Variants in RIMBP2 observed in about 807,000 individuals in gnomAD.
RIMBP2 encodes RIMS binding protein 2, also known as RIMS-binding protein 2.
A neutral mutation model predicts 118.6 loss-of-function variants in RIMBP2; 48 were observed. That is an observed-to-expected ratio of 0.40 (90% CI 0.32 to 0.51). RIMBP2 has a LOEUF of 0.51. Among genes scored for constraint, RIMBP2 ranks in the 20% least tolerant of loss-of-function variants. The probability of loss-of-function intolerance (pLI) is 0.41; values close to 1 mark genes in which losing one functional copy is unlikely to be tolerated. For missense variants in RIMBP2, 1,551 were observed against 1,768.3 expected (o/e 0.88, Z 2.20); for synonymous variants, 762 against 742.9 (o/e 1.03, Z -0.42).
intron 10 of RIMBP2, among the ~76,000 whole-genome samples, chr12:130,443,979 G>A (rs1593319811): frequency 6.6e-6 from 1 of 152,190 alleles, no homozygotes; most frequent in Admixed American, 6.5e-5. Flanking sequence ...GAGGCACAGC[G>A]AGGTGAAGGA....
chr12:130,538,141 G>T (rs2054239000), intron 2 of RIMBP2, among the ~76,000 whole-genome samples: 1 of 152,154 alleles, frequency 6.6e-6, no homozygotes, highest in Non-Finnish European at 1.5e-5. Context: ...GACTGCATTT[G>T]ACCGTGGAGA....
At chr12:130,481,317 C>A (rs2081994545) in intron 4 of RIMBP2, among the ~76,000 whole-genome samples, 1 of 152,180 alleles carries the variant, frequency 6.6e-6, no homozygotes, top group Non-Finnish European at 1.5e-5. Context: ...TGAAACAGAA[C>A]CACTTTAACT....
intron 4 of RIMBP2, among the ~76,000 whole-genome samples, chr12:130,495,687 C>T (rs1263366432): frequency 6.6e-6 from 1 of 152,188 alleles, no homozygotes; most frequent in Non-Finnish European, 1.5e-5. Context: ...TAGTAGATTC[C>T]TTTGAGGGTG....
Position 130,581,649 on chromosome 12 carries a change from T to G in RIMBP2, c.-217+46673A>C, listed in dbSNP as rs935900588. 6.6e-6 allele frequency among the ~76,000 whole-genome samples: 1 copy of G among 152,234 alleles called. No homozygotes were observed. Among genetic ancestry groups the G allele is most frequent in the African/African-American group, 2.4e-5 (1 of 41,476 alleles). ...TCTGTTCTCTTTGTCCTGTGGACTC[T>G]GACTTCAGGACATACCCGGAACGTA... On this transcript the variant is annotated intron_variant, in intron 2 of 22. Transcript: ENST00000690449. The surrounding 1 kb of genome is among the most constrained non-coding windows in gnomAD (Gnocchi z 4.4).
Position 130,698,917 on chromosome 12 carries a change from G to A in RIMBP2, c.-352+17305C>T, listed in dbSNP as rs1405143723. Among the ~76,000 whole-genome samples the A allele has an allele frequency of 7.9e-5, 12 of 152,196 alleles. No homozygotes were observed. The South Asian group carries it at 2.3e-3, about 29-fold the overall frequency. On this transcript the variant is annotated intron_variant, in intron 1 of 22. Transcript: ENST00000690449. Reference sequence around the variant, plus strand: ...CAAACAACCCCATCAAAAAGTGGGTGAAGGACATGAACAGACACTTCTCAA... The same window carrying A: ...CAAACAACCCCATCAAAAAGTGGGTAAAGGACATGAACAGACACTTCTCAA...
chr12:130,474,705 G>A (rs529168877), intron 5 of RIMBP2, among the ~76,000 whole-genome samples: 6 of 152,324 alleles, frequency 3.9e-5, no homozygotes, highest in Non-Finnish European at 7.3e-5. Flanking sequence ...GCTTTGGCAC[G>A]GTCCAGGGAG....
chr12:130,665,400 C>A (rs996855420), intron 1 of RIMBP2, among the ~76,000 whole-genome samples: 2 of 151,398 alleles, frequency 1.3e-5, no homozygotes, highest in African/African-American at 2.5e-5. Flanking sequence ...TGGAGTGCAC[C>A]TGTAGTCACA....
intron 2 of RIMBP2, among the ~76,000 whole-genome samples, chr12:130,572,315 G>A (rs1366559418): frequency 6.8e-6 from 1 of 147,012 alleles, no homozygotes; most frequent in Non-Finnish European, 1.5e-5. Flanking sequence ...GCGCTCCTGA[G>A]TCCCAAATGC....
At chr12:130,651,156 T>C (rs1028086485) in intron 1 of RIMBP2, among the ~76,000 whole-genome samples, 1 of 152,084 alleles carries the variant, frequency 6.6e-6, no homozygotes, top group Non-Finnish European at 1.5e-5. Flanking sequence ...TTCTCAGGGA[T>C]GCTTTCTGCA....
At chr12:130,474,217 C>A (rs1405010229) in intron 5 of RIMBP2, among the ~76,000 whole-genome samples, 1 of 152,192 alleles carries the variant, frequency 6.6e-6, no homozygotes, top group Non-Finnish European at 1.5e-5. Context: ...TTATCCGTCA[C>A]ATGGAGAAAA....
intron 2 of RIMBP2, among the ~76,000 whole-genome samples, chr12:130,609,895 T>C (rs2060406699): frequency 1.3e-5 from 2 of 152,118 alleles, no homozygotes; most frequent in African/African-American, 4.8e-5. Flanking sequence ...CAAATTCACC[T>C]CTCCCCTGCC....
At chr12:130,414,718 A>G in intron 17 of RIMBP2, 1 of 159,780 alleles carries the variant, frequency 6.3e-6, no homozygotes, top group Admixed American at 5.9e-5. Flanking sequence ...AAGTCCATAG[A>G]GGTGACCAAC....
At chr12:130,682,113 A>G (rs1306958936) in intron 1 of RIMBP2, among the ~76,000 whole-genome samples, 1 of 151,864 alleles carries the variant, frequency 6.6e-6, no homozygotes, top group East Asian at 1.9e-4. Flanking sequence ...ACCCAGGGAC[A>G]CCCTCCCAGC....
intron 2 of RIMBP2, among the ~76,000 whole-genome samples, chr12:130,594,714 G>A (rs1381791141): frequency 6.6e-6 from 1 of 152,152 alleles, no homozygotes; most frequent in East Asian, 1.9e-4. Context: ...TGTGTATATG[G>A]AAGTATGTAT....
chr12:130,461,345 G>A (rs1192145384), intron 6 of RIMBP2, among the ~76,000 whole-genome samples: 1 of 152,186 alleles, frequency 6.6e-6, no homozygotes, highest in African/African-American at 2.4e-5. Context: ...TGCCAGCAGG[G>A]GCAGGGGCAG....
chr12:130,521,895 T>A (rs2052167121), intron 2 of RIMBP2, among the ~76,000 whole-genome samples: 1 of 152,260 alleles, frequency 6.6e-6, no homozygotes, highest in African/African-American at 2.4e-5. Flanking sequence ...CCTTTGAGGT[T>A]AAAGCCACAC....
chr12:130,509,027 A>G (rs2050637355), intron 3 of RIMBP2, among the ~76,000 whole-genome samples: 1 of 152,058 alleles, frequency 6.6e-6, no homozygotes, highest in Non-Finnish European at 1.5e-5. Flanking sequence ...TCAAGAAATG[A>G]TGGATCAGCA....
chr12:130,479,524 G>A (rs866226097), intron 4 of RIMBP2, among the ~76,000 whole-genome samples: 3 of 152,220 alleles, frequency 2.0e-5, no homozygotes, highest in African/African-American at 2.4e-5. Context: ...GGCACAGGAT[G>A]TCATCCTTGC....
intron 1 of RIMBP2, among the ~76,000 whole-genome samples, chr12:130,671,446 T>C (rs2064191142): frequency 6.6e-6 from 1 of 152,200 alleles, no homozygotes; most frequent in Non-Finnish European, 1.5e-5. Flanking sequence ...TTATTGACTG[T>C]CTGCCTCCTC....
Sources: allele counts gnomAD v4.1 joint callset (sites outside exome capture counted in the v4.1 genomes callset), GRCh38; gene constraint gnomAD v4.1.1; non-coding constraint Gnocchi (gnomAD v3.1); transcripts MANE v1.5; gene names NCBI Gene and HGNC (gene_info 2026-07-23, HGNC 2026-07-21).